CNTNAP5: variants seen among roughly 807,000 people sequenced by gnomAD.
CNTNAP5 encodes contactin-associated protein-like 5.
In CNTNAP5, 72 loss-of-function variants were observed where a neutral mutation model predicts 150.2. That is an observed-to-expected ratio of 0.48 (90% confidence interval 0.40 to 0.58). The LOEUF is 0.58. Ranked by LOEUF, CNTNAP5 falls within the 20% of genes least tolerant of loss-of-function variation. The probability of loss-of-function intolerance (pLI) is 0.00; values close to 1 mark genes in which losing one functional copy is unlikely to be tolerated. For missense variants in CNTNAP5, 1,636 were observed against 1,626.2 expected, an observed-to-expected ratio of 1.01 and a Z score of -0.10; for synonymous variants, 672 against 619.8, an observed-to-expected ratio of 1.08 and a Z score of -1.25.
At chr2:124,387,572 G>C (rs1329651335) in intron 3 of CNTNAP5, among the ~76,000 whole-genome samples, 1 of 152,110 alleles carries the variant, frequency 6.6e-6, no homozygotes, top group East Asian at 1.9e-4. Flanking sequence ...ACATTCTCAA[G>C]GGTGGGGAGA....
At chr2:124,178,907 G>GTTATTTATTTAT (rs199781615) in intron 1 of CNTNAP5, among the ~76,000 whole-genome samples, 2 of 141,118 alleles carry the variant, frequency 1.4e-5, no homozygotes, top group Admixed American at 7.1e-5. Flanking sequence ...ATTTTTATTT[G>GTTATTTATTTAT]TTATTTATTT....
chr2:124,631,996 A>T (rs1677870616), intron 12 of CNTNAP5, among the ~76,000 whole-genome samples: 1 of 152,186 alleles, frequency 6.6e-6, no homozygotes, highest in Non-Finnish European at 1.5e-5. Flanking sequence ...AGAAATACAA[A>T]TCAAAACCAC....
At chr2:124,431,957 T>C (rs1028197985) in intron 4 of CNTNAP5, among the ~76,000 whole-genome samples, 4 of 152,066 alleles carry the variant, frequency 2.6e-5, no homozygotes, top group African/African-American at 7.2e-5. Flanking sequence ...GCAAATTTCC[T>C]CCATGTGGTT....
At chr2:124,217,071 G>C (rs1224619402) in intron 1 of CNTNAP5, among the ~76,000 whole-genome samples, 1 of 152,044 alleles carries the variant, frequency 6.6e-6, no homozygotes, top group South Asian at 2.1e-4. Context: ...CCATGAAAAA[G>C]CTTTTAAAGA....
intron 7 of CNTNAP5, among the ~76,000 whole-genome samples, chr2:124,489,560 A>G (rs749608866): frequency 5.9e-5 from 9 of 152,342 alleles, no homozygotes; most frequent in Non-Finnish European, 1.2e-4. Context: ...AACACAGTTC[A>G]GTCCACAACA....
At chr2:124,317,584 T>C (rs1688999215) in intron 3 of CNTNAP5, among the ~76,000 whole-genome samples, 1 of 152,206 alleles carries the variant, frequency 6.6e-6, no homozygotes, top group African/African-American at 2.4e-5. Flanking sequence ...CTCAGAATTT[T>C]TTTTTTTCTG....
At chr2:124,504,679 G>T in intron 8 of CNTNAP5, 123 bp downstream of exon 8, 20 of 740,940 alleles carry the variant, frequency 2.7e-5, no homozygotes, top group South Asian at 1.1e-4. Context: ...ATTCACAAAT[G>T]TACTCCAAGT....
chr2:124,245,254 A>G (rs1240942966), intron 3 of CNTNAP5, among the ~76,000 whole-genome samples: 1 of 152,196 alleles, frequency 6.6e-6, no homozygotes, highest in Non-Finnish European at 1.5e-5. Flanking sequence ...AGGGTGTTTT[A>G]CAAACACTTC....
At chr2:124,343,416 G>A (rs1689665879) in intron 3 of CNTNAP5, among the ~76,000 whole-genome samples, 1 of 152,038 alleles carries the variant, frequency 6.6e-6, no homozygotes, top group Non-Finnish European at 1.5e-5. Context: ...CTTTTTAGGG[G>A]GAATTTTAGA....
chr2:124,803,861 T>C (rs1045032482), intron 19 of CNTNAP5, among the ~76,000 whole-genome samples: 1 of 152,138 alleles, frequency 6.6e-6, no homozygotes, highest in African/African-American at 2.4e-5. Flanking sequence ...CCTGCTATCT[T>C]ATGGAAGCCC....
intron 13 of CNTNAP5, among the ~76,000 whole-genome samples, chr2:124,707,079 A>AGAAGGAGGAGGAGGAGGAGAAGAG (rs1679686828): frequency 7.2e-6 from 1 of 138,554 alleles, no homozygotes; most frequent in African/African-American, 3.0e-5. Context: ...AGGAAGAAGA[A>AGAAGGAGGAGGAGGAGGAGAAGAG]GAAGAGGAAG....
intron 6 of CNTNAP5, among the ~76,000 whole-genome samples, chr2:124,474,049 C>T (rs952069974): frequency 6.6e-5 from 10 of 152,030 alleles, no homozygotes; most frequent in African/African-American, 2.4e-4. Flanking sequence ...TGTATTTCCT[C>T]CCAGACTATG....
chr2:124,883,910 A>ATG (rs1290954751), intron 21 of CNTNAP5, among the ~76,000 whole-genome samples: 3 of 152,014 alleles, frequency 2.0e-5, no homozygotes, highest in African/African-American at 7.3e-5. Flanking sequence ...GCACATGTAT[A>ATG]TGTGTGTGTG....
At chr2:124,723,667 G>A (rs375301157) in intron 13 of CNTNAP5, among the ~76,000 whole-genome samples, 1 of 152,042 alleles carries the variant, frequency 6.6e-6, no homozygotes, top group East Asian at 1.9e-4. Flanking sequence ...GTGTCAGCAG[G>A]GTTGGTTTTA....
rs140898050 is a variant in CNTNAP5 at position 124,458,683 on chromosome 2, A to C, written c.918+11746A>C. On this transcript the variant is annotated intron_variant, in intron 6 of 23. Transcript: ENST00000682447. Reference sequence around the variant, plus strand: ...TAACCTATGGAAATAAAATAACTAAATAAATAAATAATGCTAAACAATCAT... The same window carrying C: ...TAACCTATGGAAATAAAATAACTAACTAAATAAATAATGCTAAACAATCAT... Among the ~76,000 whole-genome samples the C allele has an allele frequency of 2.6e-3, 390 of 152,284 alleles. 2 individuals are homozygous for C. Among genetic ancestry groups the C allele is most frequent in the Middle Eastern group, 0.017 (5 of 294 alleles).
intron 1 of CNTNAP5, among the ~76,000 whole-genome samples, chr2:124,210,924 C>A (rs940965875): frequency 6.6e-6 from 1 of 152,142 alleles, no homozygotes; most frequent in Non-Finnish European, 1.5e-5. Context: ...TCCCAACCTG[C>A]CTCATCCCTT....
intron 1 of CNTNAP5, among the ~76,000 whole-genome samples, chr2:124,045,586 T>C (rs2104636549): frequency 6.6e-6 from 1 of 152,304 alleles, no homozygotes; most frequent in South Asian, 2.1e-4. Context: ...CCTGGTTTTC[T>C]TTAAGCCAGA....
At chr2:124,180,987 G>T (rs17011004) in intron 1 of CNTNAP5, among the ~76,000 whole-genome samples, 31,384 of 150,600 alleles carry the variant, frequency 0.21, 3,425 homozygotes, top group African/African-American at 0.24. Flanking sequence ...CCACCATGAA[G>T]TCCCCTTCTG....
intron 1 of CNTNAP5, among the ~76,000 whole-genome samples, chr2:124,089,882 CA>C (rs1324252378): frequency 1.3e-5 from 2 of 152,216 alleles, no homozygotes; most frequent in Non-Finnish European, 2.9e-5. Flanking sequence ...GCACATGCTT[CA>C]AATCTCAGCC....
Sources: allele counts gnomAD v4.1 joint callset (sites outside exome capture counted in the v4.1 genomes callset), GRCh38; gene constraint gnomAD v4.1.1; transcripts MANE v1.5; gene names NCBI Gene and HGNC (gene_info 2026-07-23, HGNC 2026-07-21).